Variants in CHRM3 observed in about 807,000 individuals in gnomAD.
CHRM3 encodes the protein cholinergic receptor muscarinic 3.
A neutral mutation model predicts 41.8 loss-of-function variants in CHRM3; 11 were observed. That is an observed-to-expected ratio of 0.26 (90% CI 0.17 to 0.44). The LOEUF (loss-of-function observed/expected upper bound fraction) is 0.44. Among genes scored for constraint, CHRM3 ranks in the 20% least tolerant of loss-of-function variants. CHRM3 has a pLI of 1.00. For synonymous variants in CHRM3, 297 were observed against 301.4 expected, an observed-to-expected ratio of 0.99 and a Z score of 0.15; for missense variants, 571 against 745.4, an observed-to-expected ratio of 0.77 and a Z score of 2.72.
intron 1 of CHRM3, among the ~76,000 whole-genome samples, chr1:239,449,437 A>G (rs562929290): frequency 6.6e-6 from 1 of 152,288 alleles, no homozygotes; most frequent in Non-Finnish European, 1.5e-5. Flanking sequence ...TAAACTTGCA[A>G]GGGAGGTGAC....
At chr1:239,550,907 T>C (rs908233893) in intron 3 of CHRM3, among the ~76,000 whole-genome samples, 2 of 152,112 alleles carry the variant, frequency 1.3e-5, no homozygotes, top group African/African-American at 2.4e-5. Flanking sequence ...ATATTTTAAA[T>C]AGTTCTTAAG....
At chr1:239,870,906 C>A (rs1676518836) in intron 6 of CHRM3, among the ~76,000 whole-genome samples, 6 of 152,118 alleles carry the variant, frequency 3.9e-5, no homozygotes, top group Non-Finnish European at 8.8e-5. Context: ...AGATTCACTT[C>A]AAACTAGCAG....
intron 4 of CHRM3, among the ~76,000 whole-genome samples, chr1:239,653,337 G>C (rs1271530418): frequency 4.6e-5 from 7 of 152,132 alleles, no homozygotes; most frequent in Non-Finnish European, 1.0e-4. Context: ...AGACACAGAA[G>C]GGGATAAGAT....
rs1553291917 is a variant in CHRM3, at chr1:239,874,297, A to ATATATATG, written c.-19-33129_-19-33128insGTATATAT. Among the ~76,000 whole-genome samples, 3 of 92,200 alleles carry ATATATATG rather than the reference A, an allele frequency of 3.3e-5. No homozygotes were observed. The South Asian group carries it at 1.1e-3, about 33-fold the overall frequency. 60.5% of individuals were successfully genotyped at this position (92,200 alleles called of 152,430 possible). A position where few individuals can be genotyped will look rare whatever the true frequency, so the allele number is the denominator to read the frequency against. On this transcript the variant is annotated intron_variant, in intron 6 of 6. Transcript: ENST00000676153. The stretch of plus-strand genomic sequence containing the variant: ...ATCTATATACACAGTATATATATAT[A>ATATATATG]TATATATATATATATATATATATAT...
intron 3 of CHRM3, among the ~76,000 whole-genome samples, chr1:239,576,294 A>T (rs1312414653): frequency 2.0e-5 from 3 of 151,926 alleles, no homozygotes; most frequent in Non-Finnish European, 4.4e-5. Flanking sequence ...CAGGGATCGT[A>T]AGTTAATGGC....
Position 239,639,912 on chromosome 1 carries a change from G to A in CHRM3, c.-250+7626G>A, listed in dbSNP as rs1347553665. Among the ~76,000 whole-genome samples the A allele has an allele frequency of 2.7e-5, 4 of 148,466 alleles. No homozygotes were observed. The South Asian group carries it at 8.6e-4, about 32-fold the overall frequency. On this transcript the variant is annotated intron_variant, in intron 4 of 6. Transcript: ENST00000676153. ...ATTGGCTGTGGGTTTGTCATAGATA[G>A]CTCTTATTATTTTGAGATATGTCCC...
At chr1:239,780,617 A>C (rs1262235568) in intron 5 of CHRM3, among the ~76,000 whole-genome samples, 1 of 152,170 alleles carries the variant, frequency 6.6e-6, no homozygotes, top group Non-Finnish European at 1.5e-5. Flanking sequence ...ATTTTAATGA[A>C]GTCCCGCTTA....
chr1:239,604,912 TAATC>T (rs1666050554), intron 3 of CHRM3, among the ~76,000 whole-genome samples: 1 of 152,246 alleles, frequency 6.6e-6, no homozygotes, highest in South Asian at 2.1e-4. Flanking sequence ...TTTACTTTCT[TAATC>T]AATGCTTATT....
chr1:239,674,361 T>C (rs79571886), intron 4 of CHRM3, among the ~76,000 whole-genome samples: 1 of 152,194 alleles, frequency 6.6e-6, no homozygotes, highest in Non-Finnish European at 1.5e-5. Context: ...TTGTTCATTA[T>C]ACTTGCAGTT....
rs1039351685 is a variant in CHRM3, at chr1:239,387,623, A to G, written c.-521+396A>G. Among the ~76,000 whole-genome samples the G allele has an allele frequency of 6.6e-6, 1 of 152,040 alleles. No homozygotes were observed. Among genetic ancestry groups the G allele is most frequent in the Non-Finnish European group, 1.5e-5 (1 of 68,018 alleles). On this transcript the variant is annotated intron_variant, in intron 1 of 6. Coordinates refer to ENST00000676153, the MANE Select transcript of CHRM3 (RefSeq NM_001375978.1). This position sits in a 1 kb window ranked among gnomAD's most constrained non-coding sequence, Gnocchi z 5.1. ...CGGATCTGAGGCTCCAAAGTGCCCG[A>G]GCATGAGGAGCTACTGGGCTCCGGG...
intron 3 of CHRM3, among the ~76,000 whole-genome samples, chr1:239,593,921 C>A (rs1425046707): frequency 6.6e-6 from 1 of 152,148 alleles, no homozygotes; most frequent in African/African-American, 2.4e-5. Context: ...GCTATATAAC[C>A]TCTTTAATTG....
At chr1:239,576,590 A>AGATG (rs200174348) in intron 3 of CHRM3, among the ~76,000 whole-genome samples, 1 of 115,546 alleles carries the variant, frequency 8.7e-6, no homozygotes, top group Non-Finnish European at 1.9e-5. Flanking sequence ...ACACACACAC[A>AGATG]CACGCACACA....
rs1350882597 is a variant in CHRM3 at position 239,631,296 on chromosome 1, G to T, written c.-312-928G>T. 5.3e-5 allele frequency among the ~76,000 whole-genome samples: 8 copies of T among 152,224 alleles called. No individual in the cohort carries two copies. In the East Asian group the frequency reaches 7.7e-4, roughly 15 times the overall value. On this transcript the variant is annotated intron_variant, in intron 3 of 6. Coordinates refer to ENST00000676153, the MANE Select transcript of CHRM3 (RefSeq NM_001375978.1). ...CTTGTCACAGATGACACTCGCAGAG[G>T]TTTCACTAGGCTCCTCTCTCACTTG...
intron 3 of CHRM3, among the ~76,000 whole-genome samples, chr1:239,596,135 T>A (rs899095642): frequency 3.9e-5 from 6 of 152,206 alleles, no homozygotes; most frequent in South Asian, 4.1e-4. Flanking sequence ...TAGAAATAAA[T>A]CAATGTTGAG....
At chr1:239,508,376 A>C (rs556327510) in intron 2 of CHRM3, among the ~76,000 whole-genome samples, 2 of 152,340 alleles carry the variant, frequency 1.3e-5, no homozygotes, top group South Asian at 4.1e-4. Flanking sequence ...AATATGTTTA[A>C]GTGCCAAATT....
At chr1:239,858,042 T>A (rs1179321500) in intron 6 of CHRM3, among the ~76,000 whole-genome samples, 2 of 152,214 alleles carry the variant, frequency 1.3e-5, no homozygotes, top group Non-Finnish European at 2.9e-5. Flanking sequence ...TAAATGTGTA[T>A]GTGGTTCCTA....
chr1:239,404,124 C>T (rs1386019572), intron 1 of CHRM3, among the ~76,000 whole-genome samples: 3 of 149,202 alleles, frequency 2.0e-5, no homozygotes, highest in Non-Finnish European at 4.5e-5. Flanking sequence ...CCGTCTCTAC[C>T]AAAAATACAA....
intron 5 of CHRM3, among the ~76,000 whole-genome samples, chr1:239,730,707 A>G (rs1338282741): frequency 6.6e-6 from 1 of 151,990 alleles, no homozygotes; most frequent in Non-Finnish European, 1.5e-5. Context: ...GAAGAGCAGC[A>G]CAATTTTCAC....
chr1:239,666,467 C>T (rs1440212734), intron 4 of CHRM3, among the ~76,000 whole-genome samples: 5 of 152,102 alleles, frequency 3.3e-5, no homozygotes, highest in Non-Finnish European at 5.9e-5. Context: ...GCTCGGATTA[C>T]AGGCGTGAGT....
Sources: gnomAD v4.1 joint callset for allele counts (sites outside exome capture counted in the v4.1 genomes callset) on GRCh38, gnomAD v4.1.1 for gene constraint, Gnocchi (gnomAD v3.1) non-coding constraint, MANE v1.5 for transcripts, NCBI Gene and HGNC (gene_info 2026-07-23, HGNC 2026-07-21) for gene names.